The following SAE1 variants were observed in gnomAD, a reference collection of about 807,000 sequenced individuals.
SAE1 encodes SUMO1 activating enzyme subunit 1.
In SAE1, 11 loss-of-function variants were observed where a neutral mutation model predicts 40.6. That is an observed-to-expected ratio of 0.27 (90% confidence interval 0.17 to 0.45). The LOEUF is 0.45. Ranked by LOEUF, SAE1 falls within the 20% of genes least tolerant of loss-of-function variation. The probability of loss-of-function intolerance (pLI) is 1.00; values close to 1 mark genes in which losing one functional copy is unlikely to be tolerated. For missense variants in SAE1, 373 were observed against 427.3 expected (o/e 0.87, Z 1.12); for synonymous variants, 155 against 154.3 (o/e 1.00, Z -0.03).
chr19:47,136,396 C>A (rs913963738), intron 1 of SAE1, among the ~76,000 whole-genome samples: 6 of 152,090 alleles, frequency 3.9e-5, no homozygotes, highest in Non-Finnish European at 7.3e-5. Context: ...CCTTGGCCCC[C>A]CAAAGTGTTG....
At chr19:47,181,106 C>T (rs934961698) in intron 6 of SAE1, among the ~76,000 whole-genome samples, 13 of 152,014 alleles carry the variant, frequency 8.6e-5, no homozygotes, top group African/African-American at 1.9e-4. Flanking sequence ...CACCTGAGGT[C>T]GGGAGTTCGA....
chr19:47,200,146 G>A (rs551031457), intron 7 of SAE1, among the ~76,000 whole-genome samples: 2 of 151,636 alleles, frequency 1.3e-5, no homozygotes, highest in Admixed American at 1.3e-4. Flanking sequence ...TGTTAGCCAG[G>A]ATGGTCTTGA....
rs200240904 is a variant in SAE1, at chr19:47,141,380, GATCCACCC to G, written c.99-2110_99-2103del. ...TGGTCTCGAACTCCTGACCTCAGGTGATCCACCCATCTCAGCCTCCCAAAGTGCTGGGA... is the reference window on the plus strand; with the variant it reads ...TGGTCTCGAACTCCTGACCTCAGGTGATCTCAGCCTCCCAAAGTGCTGGGA... On this transcript the variant is annotated intron_variant, in intron 1 of 8. Transcript: ENST00000270225. 8.2e-3 allele frequency among the ~76,000 whole-genome samples: 1,246 copies of G among 152,174 alleles called. 15 individuals carry two copies. The highest frequency in any genetic ancestry group is 0.029 in the African/African-American group (1,198 of 41,492).
chr19:47,153,120 T>G, intron 4 of SAE1, 80 bp downstream of exon 4: 1 of 1,253,554 alleles, frequency 8.0e-7, no homozygotes, highest in East Asian at 2.5e-5. Context: ...TATTTATTTA[T>G]GTGTAGAGAC....
chr19:47,191,030 T>G (rs1167744036), intron 6 of SAE1, among the ~76,000 whole-genome samples: 1 of 152,180 alleles, frequency 6.6e-6, no homozygotes, highest in Non-Finnish European at 1.5e-5. Context: ...GAAGCTAGAT[T>G]TGAGTTTACA....
chr19:47,167,717 C>T (rs578051121), intron 5 of SAE1, among the ~76,000 whole-genome samples: 1 of 152,150 alleles, frequency 6.6e-6, no homozygotes, highest in African/African-American at 2.4e-5. Flanking sequence ...GGAAGAAAGA[C>T]ACCTCTGTAA....
At chr19:47,162,729 G>A (rs2058366610) in intron 5 of SAE1, among the ~76,000 whole-genome samples, 1 of 152,150 alleles carries the variant, frequency 6.6e-6, no homozygotes, top group South Asian at 2.1e-4. Context: ...AGTGGCTCAT[G>A]CCTGTAATCC....
intron 6 of SAE1, among the ~76,000 whole-genome samples, chr19:47,191,314 CA>C (rs1224174120): frequency 1.3e-5 from 2 of 150,868 alleles, no homozygotes. Context: ...AGTGAGACTC[CA>C]TCTCAAAAAA....
chr19:47,141,531 T>A (rs1236333614), intron 1 of SAE1, among the ~76,000 whole-genome samples: 1 of 152,080 alleles, frequency 6.6e-6, no homozygotes, highest in Non-Finnish European at 1.5e-5. Context: ...CAGGGACTTT[T>A]TATATGTAGC....
chr19:47,195,827 T>C (rs2058610808), intron 6 of SAE1, among the ~76,000 whole-genome samples: 1 of 147,176 alleles, frequency 6.8e-6, no homozygotes. Flanking sequence ...CTTGACCTTC[T>C]GGGCTCAAGT....
chr19:47,182,492 T>TGCGC (rs772312425), intron 6 of SAE1, among the ~76,000 whole-genome samples: 1 of 140,320 alleles, frequency 7.1e-6, no homozygotes, highest in South Asian at 2.3e-4. Flanking sequence ...TGTGTGTGTG[T>TGCGC]GTGTGCGCGC....
chr19:47,203,620 G>T, intron 7 of SAE1, 51 bp from the exon 8 acceptor site: 1 of 1,539,882 alleles, frequency 6.5e-7, no homozygotes, highest in Non-Finnish European at 9.0e-7. Flanking sequence ...AGATGTCATG[G>T]TCACAGTTCT....
chr19:47,196,334 T>G (rs2058615202), intron 6 of SAE1, among the ~76,000 whole-genome samples: 7 of 8,628 alleles, frequency 8.1e-4, no homozygotes, highest in Admixed American at 4.1e-3. Flanking sequence ...CGCGCCTGGC[T>G]TTTTTTTTTT....
chr19:47,183,730 C>A lies in SAE1; in HGVS notation c.734-13503C>A, dbSNP rs114005876. On this transcript the variant is annotated intron_variant, in intron 6 of 8. Coordinates refer to ENST00000270225, the MANE Select transcript of SAE1 (RefSeq NM_005500.3). ...TCTTGTTTAAAGCCTCACATCTTTT[C>A]TCTGACTGTCAGACAACAGTCACGG... 3.9e-3 allele frequency among the ~76,000 whole-genome samples: 595 copies of A among 152,352 alleles called. 5 individuals are homozygous for A. The highest frequency in any genetic ancestry group is 0.014 in the African/African-American group (567 of 41,584).
intron 5 of SAE1, among the ~76,000 whole-genome samples, chr19:47,167,266 A>C (rs1447372731): frequency 7.3e-6 from 1 of 136,968 alleles, no homozygotes; most frequent in Non-Finnish European, 1.6e-5. Context: ...CGCCCAGATA[A>C]TTTTTGTATT....
intron 3 of SAE1, among the ~76,000 whole-genome samples, chr19:47,151,403 G>A (rs1396408405): frequency 6.6e-6 from 1 of 151,872 alleles, no homozygotes; most frequent in Non-Finnish European, 1.5e-5. Context: ...CACCTGCCTC[G>A]GCCTCCCAAA....
chr19:47,205,128 C>T (rs543748935), intron 8 of SAE1, among the ~76,000 whole-genome samples: 4 of 152,254 alleles, frequency 2.6e-5, no homozygotes, highest in Admixed American at 6.5e-5. Flanking sequence ...TCGTGGACTC[C>T]GGTGAGGCTT....
At chr19:47,138,408 T>C (rs2123182019) in intron 1 of SAE1, among the ~76,000 whole-genome samples, 2 of 152,308 alleles carry the variant, frequency 1.3e-5, no homozygotes, top group South Asian at 2.1e-4. Flanking sequence ...TGCCAGCCCA[T>C]TAGATTGTCA....
chr19:47,135,343 G>A, intron 1 of SAE1, among the ~76,000 whole-genome samples: 1 of 151,804 alleles, frequency 6.6e-6, no homozygotes, highest in East Asian at 1.9e-4. Context: ...ACCCTTCCTA[G>A]CCTCTGGTAA....
Sources: gnomAD v4.1 joint callset for allele counts (sites outside exome capture counted in the v4.1 genomes callset) on GRCh38, gnomAD v4.1.1 for gene constraint, MANE v1.5 for transcripts, NCBI Gene and HGNC (gene_info 2026-07-23, HGNC 2026-07-21) for gene names.